IRF2BP2: variants seen among roughly 807,000 people sequenced by gnomAD.
IRF2BP2 encodes the protein interferon regulatory factor 2 binding protein 2.
Under a neutral mutation model 32.7 loss-of-function variants are expected in IRF2BP2, and 13 were observed. The observed-to-expected ratio is 0.40, with a 90% CI of 0.26 to 0.63. The LOEUF (loss-of-function observed/expected upper bound fraction) is 0.63, where lower values mean the gene tolerates loss of function less well. IRF2BP2 is among the 30% of genes least tolerant of loss of function. The probability of loss-of-function intolerance (pLI) is 0.42; values close to 1 mark genes in which losing one functional copy is unlikely to be tolerated. For missense variants in IRF2BP2, 980 were observed against 830.6 expected (o/e 1.18, Z -2.21); for synonymous variants, 555 against 384.6 (o/e 1.44, Z -5.18).
chr1:234,609,673 C>A lies in IRF2BP2; in HGVS notation c.-179G>T. On this transcript the variant is annotated 5_prime_UTR_variant, in exon 1 of 2. Transcript: ENST00000366609. ...CGGCAAAGCCCGCGAAGGCTCGGCG[C>A]CCGCGCAGCGCCCCCGGTGCACGAG... The A allele has an allele frequency of 1.1e-5, 2 of 174,498 alleles. No homozygotes were observed. The highest frequency in any genetic ancestry group is 1.7e-4 in the South Asian group (1 of 5,834). The allele number at this position is 174,498 out of a possible 1,614,324, so 10.8% of individuals were successfully genotyped here. A position where few individuals can be genotyped will look rare whatever the true frequency, so the allele number is the denominator to read the frequency against.
Position 234,609,312 on chromosome 1 carries a change from C to A in IRF2BP2, c.183G>T (p.Arg61=). 1 of 1,503,736 alleles carries A rather than the reference C, an allele frequency of 6.7e-7. No individual in the cohort carries two copies. The highest frequency in any genetic ancestry group is 8.9e-7 in the Non-Finnish European group (1 of 1,127,190). The allele number at this position is 1,503,736 out of a possible 1,614,324, so 93.1% of individuals were successfully genotyped here. A position where few individuals can be genotyped will look rare whatever the true frequency, so the allele number is the denominator to read the frequency against. ...FVIETARQLK[R]AHGCFPEGRS... The stretch of plus-strand genomic sequence containing the variant: ...GACCCTCCGGGAAGCAGCCGTGCGC[C>A]CGCTTGAGCTGCCGCGCCGTCTCGA... The change falls in exon 1 of 2, where the codon CGG becomes CGT. Residue 61 remains arginine (R), a synonymous_variant. Coordinates refer to ENST00000366609, the MANE Select transcript of IRF2BP2 (RefSeq NM_182972.3).
rs566850531 is a variant in IRF2BP2 at position 234,605,424 on chromosome 1, C to T, written c.*1713G>A. ...CTCGCACAGTAGTAATAGGTGCACT[C>T]ATTAAAAACACTACGGAAAAACACT... On this transcript the variant is annotated 3_prime_UTR_variant, in exon 2 of 2. Transcript: ENST00000366609. 1 of 152,326 alleles carries T rather than the reference C, an allele frequency of 6.6e-6. No homozygotes were observed. Among genetic ancestry groups the T allele is most frequent in the South Asian group, 2.1e-4 (1 of 4,826 alleles). 9.4% of individuals were successfully genotyped at this position (152,326 alleles called of 1,614,324 possible).
In IRF2BP2 at chr1:234,607,197, T is replaced by G; in HGVS notation, c.1704A>C (p.Gln568His). 1 of 1,613,966 alleles carries G rather than the reference T, an allele frequency of 6.2e-7. No individual in the cohort carries two copies. The highest frequency in any genetic ancestry group is 1.7e-4 in the Middle Eastern group (1 of 6,060). ...CAGCAAGGATGGTTGCAATTTCCCC[T>G]TGCATAAAGGCCCAGGGGACATTGG... ...VGSNVPWAFMQGEIATILAGD... is the reference protein window; with the variant it reads ...VGSNVPWAFMHGEIATILAGD... Residue 568 changes from glutamine (Q) to histidine (H), a missense_variant, in exon 2 of 2, where the codon CAA becomes CAC. Gln to His is a conservative substitution (Grantham distance 24, BLOSUM62 0). Coordinates refer to ENST00000366609, the MANE Select transcript of IRF2BP2 (RefSeq NM_182972.3).
chr1:234,607,263 C>T lies in IRF2BP2; in HGVS notation c.1638G>A (p.Glu546=), dbSNP rs771921472. 1.2e-6 allele frequency: 2 copies of T among 1,614,222 alleles called. No homozygotes were observed. Among genetic ancestry groups the T allele is most frequent in the East Asian group, 4.5e-5 (2 of 44,886 alleles). The change falls in exon 2 of 2, where the codon GAG becomes GAA. Residue 546 remains glutamate (E), a synonymous_variant. Coordinates refer to ENST00000366609, the MANE Select transcript of IRF2BP2 (RefSeq NM_182972.3). ...ATTTTTCCCCACTGGGACAATAGACCTCTCCACTAGCTCCCTGCTGTTTGA... is the reference window on the plus strand; with the variant it reads ...ATTTTTCCCCACTGGGACAATAGACTTCTCCACTAGCTCCCTGCTGTTTGA... ...QSIKQQGASG[E]VYCPSGEKCP...
At chr1:234,608,226 C>T (rs1558308942) in intron 1 of IRF2BP2, 1 of 533,582 alleles carries the variant, frequency 1.9e-6, no homozygotes. Flanking sequence ...AAGGAAAACC[C>T]CGTGTCAGAG....
Position 234,608,662 on chromosome 1 carries a change from C to G in IRF2BP2, c.833G>C (p.Gly278Ala), listed in dbSNP as rs1334209064. 3 of 1,532,040 alleles carry G rather than the reference C, an allele frequency of 2.0e-6. No individual in the cohort carries two copies. The African/African-American group carries it at 4.3e-5, about 22-fold the overall frequency. 94.9% of individuals were successfully genotyped at this position (1,532,040 alleles called of 1,614,324 possible). The change falls in exon 1 of 2, where the codon GGG becomes GCG. Residue 278 changes from glycine to alanine, a missense_variant. Physicochemically the swap from Gly to Ala is moderately conservative, Grantham distance 60 (BLOSUM62 0). Coordinates refer to ENST00000366609, the MANE Select transcript of IRF2BP2 (RefSeq NM_182972.3). ...GPADSLSTAA[G>A]AAELSAEGAG... The stretch of plus-strand genomic sequence containing the variant: ...ACCTTCCGCGCTCAGCTCGGCGGCC[C>G]CGGCCGCGGTGGACAGGCTGTCGGC...
chr1:234,607,703 G>C lies in IRF2BP2; in HGVS notation c.1198C>G (p.Pro400Ala), dbSNP rs779000897. ...TGAGGTGAGGCAGTGGGTGGTGGCG[G>C]AGACACAAAAGAGGATGTAGGAGTC... is the stretch of plus-strand genomic sequence containing the variant. ...PMTPTSSFVS[P>A]PPPTASPHSN... Residue 400 changes from proline (P) to alanine (A), a missense_variant, in exon 2 of 2, where the codon CCG becomes GCG. Transcript: ENST00000366609. 1 of 1,614,056 alleles carries C rather than the reference G, an allele frequency of 6.2e-7. No individual in the cohort carries two copies. Among genetic ancestry groups the C allele is most frequent in the Non-Finnish European group, 8.5e-7 (1 of 1,180,042 alleles).
intron 1 of IRF2BP2, 141 bp downstream of exon 1, chr1:234,608,306 G>T (rs1326433219): frequency 5.7e-6 from 4 of 702,574 alleles, no homozygotes; most frequent in Non-Finnish European, 9.2e-6. Context: ...ACCAAGCACT[G>T]GTTCCGCCTC....
At chr1:234,608,174 G>GC in intron 1 of IRF2BP2, 1 of 525,892 alleles carries the variant, frequency 1.9e-6, no homozygotes, top group Non-Finnish European at 3.3e-6. Flanking sequence ...AGGTTAAAAG[G>GC]TGACTGGTGC....
In IRF2BP2 at chr1:234,608,661, C is replaced by G; in HGVS notation, c.834G>C (p.Gly278=). The part of the protein sequence containing the change: ...GPADSLSTAA[G]AAELSAEGAG... ...CACCTTCCGCGCTCAGCTCGGCGGC[C>G]CCGGCCGCGGTGGACAGGCTGTCGG... The change falls in exon 1 of 2, where the codon GGG becomes GGC. Residue 278 remains glycine (G), a synonymous_variant. Transcript: ENST00000366609. 6.5e-7 allele frequency: 1 copy of G among 1,532,840 alleles called. No individual in the cohort carries two copies. The highest frequency in any genetic ancestry group is 8.7e-7 in the Non-Finnish European group (1 of 1,149,452). The allele number at this position is 1,532,840 out of a possible 1,614,324, so 95.0% of individuals were successfully genotyped here. A position where few individuals can be genotyped will look rare whatever the true frequency, so the allele number is the denominator to read the frequency against.
chr1:234,605,898 T>G lies in IRF2BP2; in HGVS notation c.*1239A>C, dbSNP rs1007607637. ...GGGCCTGTCTATTATATAAAACCCT[T>G]AATTTCTTTAATTTCCACTAGTTTA... On this transcript the variant is annotated 3_prime_UTR_variant, in exon 2 of 2. Transcript: ENST00000366609. The G allele has an allele frequency of 2.6e-4, 40 of 152,236 alleles. No individual in the cohort carries two copies. Among genetic ancestry groups the G allele is most frequent in the African/African-American group, 9.6e-4 (40 of 41,460 alleles). 9.4% of individuals were successfully genotyped at this position (152,236 alleles called of 1,614,324 possible). A position where few individuals can be genotyped will look rare whatever the true frequency, so the allele number is the denominator to read the frequency against.
At chr1:234,607,989 A>G (rs114276984) in intron 1 of IRF2BP2, 137 bp from the exon 2 acceptor site, 7 of 690,942 alleles carry the variant, frequency 1.0e-5, no homozygotes, top group Non-Finnish European at 1.4e-5. Flanking sequence ...AAATACTCAT[A>G]TACGAGTTTC....
Position 234,607,579 on chromosome 1 carries a change from G to A in IRF2BP2, c.1322C>T (p.Ser441Leu), listed in dbSNP as rs1386498509. The A allele has an allele frequency of 6.2e-7, 1 of 1,614,232 alleles. No individual in the cohort carries two copies. Among genetic ancestry groups the A allele is most frequent in the Admixed American group, 1.7e-5 (1 of 60,034 alleles). ...VADNAGGSHA[S>L]KDANQVHSTT... ...GGAGTGAACCTGGTTGGCATCTTTT[G>A]AGGCATGACTGCCCCCTGCATTGTC... Residue 441 changes from serine (S) to leucine (L), a missense_variant, in exon 2 of 2, where the codon TCA becomes TTA. Transcript: ENST00000366609.
At chr1:234,608,097 C>CT (rs1672217044) in intron 1 of IRF2BP2, 1 of 555,290 alleles carries the variant, frequency 1.8e-6, no homozygotes, top group Non-Finnish European at 3.2e-6. Context: ...TTGTAACTGC[C>CT]TGTTTGTACA....
Position 234,609,575 on chromosome 1 carries a change from G to T in IRF2BP2, c.-81C>A. 1.2e-6 allele frequency: 1 copy of T among 825,538 alleles called. No individual in the cohort carries two copies. Among genetic ancestry groups the T allele is most frequent in the Non-Finnish European group, 1.7e-6 (1 of 601,054 alleles). The allele number at this position is 825,538 out of a possible 1,614,324, so 51.1% of individuals were successfully genotyped here. A position where few individuals can be genotyped will look rare whatever the true frequency, so the allele number is the denominator to read the frequency against. On this transcript the variant is annotated 5_prime_UTR_variant, in exon 1 of 2. Transcript: ENST00000366609. Reference sequence around the variant, plus strand: ...CCGCCGCCCCCCACCGGCACCACGCGCGCCCTCCTCCCCCCCCAACCCCGC... The same window carrying T: ...CCGCCGCCCCCCACCGGCACCACGCTCGCCCTCCTCCCCCCCCAACCCCGC...
In IRF2BP2 at chr1:234,610,146, C is replaced by T. The variant is rs1357506991; in HGVS notation, c.-652G>A. Among the ~76,000 whole-genome samples, 3 of 148,064 alleles carry T rather than the reference C, an allele frequency of 2.0e-5. No individual in the cohort carries two copies. Among genetic ancestry groups the T allele is most frequent in the East Asian group, 4.0e-4 (2 of 5,022 alleles). ...AGCTCCGCCGCCGCCACCGTCGCTG[C>T]TGCTGCTGCCGCCGCGACCGCTCCA... On this transcript the variant is annotated 5_prime_UTR_variant, in exon 1 of 2. Coordinates refer to ENST00000366609, the MANE Select transcript of IRF2BP2 (RefSeq NM_182972.3).
chr1:234,607,905 GA>G, intron 1 of IRF2BP2, 53 bp from the exon 2 acceptor site: 1 of 1,355,210 alleles, frequency 7.4e-7, no homozygotes, highest in Non-Finnish European at 1.0e-6. Flanking sequence ...GCGGTGCACT[GA>G]AAGAGATCAT....
Position 234,607,306 on chromosome 1 carries a change from G to A in IRF2BP2, c.1595C>T (p.Pro532Leu), listed in dbSNP as rs1571956634. Residue 532 changes from proline to leucine, a missense_variant, in exon 2 of 2, where the codon CCT (proline) becomes CTT (leucine). By Grantham distance (98) the Pro-to-Leu change is moderately conservative. Coordinates refer to ENST00000366609, the MANE Select transcript of IRF2BP2 (RefSeq NM_182972.3). The part of the protein sequence containing the change: ...PSVPSHKFCF[P>L]CSRQSIKQQG... ...CTGTTTGATGCTTTGTCTGGAGCAA[G>A]GGAAGCAGAACTTGTGCGAAGGGAC... 1.9e-6 allele frequency: 3 copies of A among 1,614,242 alleles called. No individual in the cohort carries two copies. The highest frequency in any genetic ancestry group is 2.5e-6 in the Non-Finnish European group (3 of 1,180,036).
Position 234,609,714 on chromosome 1 carries a change from G to A in IRF2BP2, c.-220C>T, listed in dbSNP as rs1400292630. ...GGTGCACGAGGGGCGGCGGGCGCGA[G>A]GTGAGGGGCTGCAGCCGCGGCAGCA... On this transcript the variant is annotated 5_prime_UTR_variant, in exon 1 of 2. Coordinates refer to ENST00000366609, the MANE Select transcript of IRF2BP2 (RefSeq NM_182972.3). 1.4e-5 allele frequency among the ~76,000 whole-genome samples: 2 copies of A among 143,924 alleles called. No individual in the cohort carries two copies. The highest frequency in any genetic ancestry group is 3.1e-5 in the Non-Finnish European group (2 of 64,866). 94.4% of individuals were successfully genotyped at this position (143,924 alleles called of 152,430 possible).
Sources: allele counts gnomAD v4.1 joint callset (sites outside exome capture counted in the v4.1 genomes callset), GRCh38; gene constraint gnomAD v4.1.1; transcripts MANE v1.5; gene names NCBI Gene and HGNC (gene_info 2026-07-23, HGNC 2026-07-21).